Variants in CCBE1 observed in about 807,000 individuals in gnomAD.
CCBE1 encodes the protein collagen and calcium binding EGF domains 1.
A neutral mutation model predicts 50.0 loss-of-function variants in CCBE1; 37 were observed. That is an observed-to-expected ratio of 0.74 (90% CI 0.57 to 0.97). CCBE1 has a LOEUF of 0.97. Ranked by LOEUF, CCBE1 falls within the 50% of genes least tolerant of loss-of-function variation. CCBE1 has a pLI of 0.00. For synonymous variants in CCBE1, 234 were observed against 203.7 expected (o/e 1.15, Z -1.27); for missense variants, 538 against 523.8 (o/e 1.03, Z -0.26).
At chr18:59,625,616 CT>C (rs1296745002) in intron 2 of CCBE1, among the ~76,000 whole-genome samples, 2 of 152,098 alleles carry the variant, frequency 1.3e-5, no homozygotes, top group African/African-American at 2.4e-5. Context: ...CACCTTCTCC[CT>C]GTCTGAATCA....
At chr18:59,621,274 C>T (rs769539387) in intron 2 of CCBE1, among the ~76,000 whole-genome samples, 22 of 152,216 alleles carry the variant, frequency 1.4e-4, no homozygotes, top group Admixed American at 2.0e-4. Flanking sequence ...GTTTCATCAG[C>T]AGATGGGCAG....
chr18:59,574,053 G>C (rs1043839294), intron 2 of CCBE1, among the ~76,000 whole-genome samples: 5 of 152,102 alleles, frequency 3.3e-5, no homozygotes, highest in Admixed American at 2.6e-4. Flanking sequence ...TCTGTGCTAC[G>C]AGGCATAAAT....
chr18:59,660,141 G>A (rs185471977), intron 2 of CCBE1, among the ~76,000 whole-genome samples: 28 of 152,238 alleles, frequency 1.8e-4, no homozygotes, highest in Non-Finnish European at 2.9e-4. Context: ...GAAAGGGGCC[G>A]AAATCCAGCC....
chr18:59,492,319 T>C lies in CCBE1; in HGVS notation c.213-12081A>G, dbSNP rs183291742. On this transcript the variant is annotated intron_variant, in intron 2 of 10. Transcript: ENST00000439986. The stretch of plus-strand genomic sequence containing the variant: ...CAGGTCACTAGTGTGACAGAGCCGT[T>C]TTCCCATATCTGCTATTCCCTTTTA... 2.9e-3 allele frequency among the ~76,000 whole-genome samples: 436 copies of C among 152,220 alleles called. 2 individuals carry two copies. Among genetic ancestry groups the C allele is most frequent in the African/African-American group, 9.5e-3 (394 of 41,542 alleles).
At chr18:59,533,997 T>C (rs933008394) in intron 2 of CCBE1, among the ~76,000 whole-genome samples, 1 of 152,102 alleles carries the variant, frequency 6.6e-6, no homozygotes, top group Non-Finnish European at 1.5e-5. Context: ...AGATGACCCA[T>C]TTCATTGAGA....
intron 2 of CCBE1, among the ~76,000 whole-genome samples, chr18:59,600,088 A>T (rs766899231): frequency 2.1e-4 from 32 of 152,042 alleles, no homozygotes; most frequent in Non-Finnish European, 4.0e-4. Context: ...AATATTAGAT[A>T]TTTTTGTTCC....
At chr18:59,586,146 T>C (rs2053175376) in intron 2 of CCBE1, among the ~76,000 whole-genome samples, 1 of 152,238 alleles carries the variant, frequency 6.6e-6, no homozygotes, top group African/African-American at 2.4e-5. Context: ...CTAACTTTAA[T>C]GCTCCACTTT....
At chr18:59,455,059 G>T in intron 5 of CCBE1, 108 bp from the exon 6 acceptor site, 1 of 832,542 alleles carries the variant, frequency 1.2e-6, no homozygotes, top group South Asian at 1.4e-5. Context: ...CTGACAGCGG[G>T]ACATGCGAGG....
At chr18:59,670,014 T>C (rs1216301348) in intron 2 of CCBE1, among the ~76,000 whole-genome samples, 1 of 152,120 alleles carries the variant, frequency 6.6e-6, no homozygotes, top group Non-Finnish European at 1.5e-5. Context: ...GATGTTTTTC[T>C]CGTGTAAACA....
intron 2 of CCBE1, among the ~76,000 whole-genome samples, chr18:59,683,000 C>CT (rs994212547): frequency 6.6e-6 from 1 of 152,192 alleles, no homozygotes; most frequent in Non-Finnish European, 1.5e-5. Context: ...CCTCTGTCTT[C>CT]TTTTTTCCAA....
At chr18:59,663,662 A>G (rs1023028584) in intron 2 of CCBE1, among the ~76,000 whole-genome samples, 1 of 152,100 alleles carries the variant, frequency 6.6e-6, no homozygotes. Context: ...TTTCAGCAAC[A>G]TGAGAGTCAG....
chr18:59,533,715 T>C (rs1188325676), intron 2 of CCBE1, among the ~76,000 whole-genome samples: 1 of 152,150 alleles, frequency 6.6e-6, no homozygotes, highest in Non-Finnish European at 1.5e-5. Flanking sequence ...CCAAAATTCC[T>C]CCCCTGTACC....
intron 2 of CCBE1, among the ~76,000 whole-genome samples, chr18:59,497,471 A>T (rs181011262): frequency 2.0e-5 from 3 of 152,320 alleles, no homozygotes. Flanking sequence ...ATTACCATAG[A>T]ATAGAGCAGG....
intron 2 of CCBE1, among the ~76,000 whole-genome samples, chr18:59,505,004 G>T (rs1913803542): frequency 6.6e-6 from 1 of 152,150 alleles, no homozygotes; most frequent in African/African-American, 2.4e-5. Context: ...AATGCATCAT[G>T]GGGCCCTGGG....
intron 2 of CCBE1, among the ~76,000 whole-genome samples, chr18:59,570,586 T>A (rs2052896539): frequency 6.6e-6 from 1 of 151,802 alleles, no homozygotes; most frequent in Non-Finnish European, 1.5e-5. Flanking sequence ...ATCCCTGAGA[T>A]CACAGTGAGG....
At chr18:59,547,648 T>C (rs1023549300) in intron 2 of CCBE1, among the ~76,000 whole-genome samples, 2 of 152,134 alleles carry the variant, frequency 1.3e-5, no homozygotes, top group Non-Finnish European at 2.9e-5. Context: ...CACAAAATAT[T>C]TGCTTTGAGC....
chr18:59,458,481 A>G (rs1911308811), intron 5 of CCBE1, among the ~76,000 whole-genome samples: 4 of 152,262 alleles, frequency 2.6e-5, no homozygotes, highest in Admixed American at 2.0e-4. Flanking sequence ...TGATTAACCA[A>G]TTCAACAGCT....
chr18:59,507,118 C>T (rs1258752026), intron 2 of CCBE1, among the ~76,000 whole-genome samples: 1 of 152,190 alleles, frequency 6.6e-6, no homozygotes, highest in African/African-American at 2.4e-5. Flanking sequence ...CACCAAGATA[C>T]CTCACACTGT....
chr18:59,670,405 G>A (rs893394704), intron 2 of CCBE1, among the ~76,000 whole-genome samples: 3 of 152,162 alleles, frequency 2.0e-5, no homozygotes, highest in African/African-American at 4.8e-5. Context: ...TCTGAGAAGA[G>A]GCGTGGGCTT....
Sources: allele counts gnomAD v4.1 joint callset (sites outside exome capture counted in the v4.1 genomes callset), GRCh38; gene constraint gnomAD v4.1.1; transcripts MANE v1.5; gene names NCBI Gene and HGNC (gene_info 2026-07-23, HGNC 2026-07-21).